The following FOLR1 variants were observed in gnomAD, a reference collection of about 807,000 sequenced individuals.
The protein encoded by FOLR1 is folate receptor alpha.
A neutral mutation model predicts 22.8 loss-of-function variants in FOLR1; 11 were observed. The ratio of observed to expected loss-of-function variants is 0.48; its 90% CI spans 0.30 to 0.80. The LOEUF (loss-of-function observed/expected upper bound fraction) is 0.80, where lower values mean the gene tolerates loss of function less well. Among genes scored for constraint, FOLR1 ranks in the 30% least tolerant of loss-of-function variants. FOLR1 has a pLI of 0.06. For synonymous variants in FOLR1, 108 were observed against 116.5 expected (o/e 0.93, Z 0.47); for missense variants, 273 against 320.3 (o/e 0.85, Z 1.13).
intron 1 of FOLR1, among the ~76,000 whole-genome samples, chr11:72,193,377 AAGGAAAGGGAGGGAGGAAAGGGAGGG>A (rs1195000883): frequency 2.1e-5 from 3 of 145,666 alleles, no homozygotes; most frequent in Non-Finnish European, 4.5e-5. Context: ...GAAGGGGAGG[AAGGAAAGGGAGGGAGGAAAGGGAGGG>A]AGGAAAGGGA....
At position 72,192,167 on chromosome 11, in the gene FOLR1, G is replaced by A; in HGVS notation, c.-7G>A. 1 of 1,614,102 alleles carries A rather than the reference G, an allele frequency of 6.2e-7. No homozygotes were observed. The highest frequency in any genetic ancestry group is 8.5e-7 in the Non-Finnish European group (1 of 1,179,984). Reference sequence around the variant, plus strand: ...CACTGACCACAGCTCTTTCTTCAGGGACAGACATGGCTCAGCGGATGACAA... The same window carrying A: ...CACTGACCACAGCTCTTTCTTCAGGAACAGACATGGCTCAGCGGATGACAA... On this transcript the variant is annotated 5_prime_UTR_variant, in exon 1 of 4. Transcript: ENST00000393676.
intron 1 of FOLR1, 75 bp from the exon 2 acceptor site, chr11:72,195,196 A>ACACT: frequency 7.3e-7 from 1 of 1,371,642 alleles, no homozygotes; most frequent in Non-Finnish European, 1.0e-6. Flanking sequence ...AAGAGGGGAG[A>ACACT]CACTGCATGT....
In FOLR1 at chr11:72,196,094, G is replaced by A. The variant is rs761852124; in HGVS notation, c.691G>A (p.Ala231Thr). 2 of 1,614,202 alleles carry A rather than the reference G, an allele frequency of 1.2e-6. No individual in the cohort carries two copies. Among genetic ancestry groups the A allele is most frequent in the Non-Finnish European group, 1.7e-6 (2 of 1,180,044 alleles). ...PNEEVARFYAAAMSGAGPWAA... is the reference protein window; with the variant it reads ...PNEEVARFYATAMSGAGPWAA... The stretch of plus-strand genomic sequence containing the variant: ...TGAGGAGGTGGCGAGGTTCTATGCT[G>A]CAGCCATGAGTGGGGCTGGGCCCTG... The change falls in exon 4 of 4, where the codon GCA (alanine) becomes ACA (threonine). Residue 231 changes from alanine to threonine, a missense_variant. Ala to Thr is a moderately conservative substitution (Grantham distance 58). Transcript: ENST00000393676.
chr11:72,195,660 A>C lies in FOLR1; in HGVS notation c.406A>C (p.Lys136Gln). ...GCGGGTACTGAACGTGCCCCTGTGC[A>C]AAGAGGACTGTGAGCAATGGTGGGA... The part of the protein sequence containing the change: ...KERVLNVPLC[K>Q]EDCEQWWEDC... Residue 136 changes from lysine to glutamine, a missense_variant, in exon 3 of 4, where the codon AAA becomes CAA. By Grantham distance (53) the Lys-to-Gln change is moderately conservative (BLOSUM62 1). Coordinates refer to ENST00000393676, the MANE Select transcript of FOLR1 (RefSeq NM_016729.3). 1 of 1,614,210 alleles carries C rather than the reference A, an allele frequency of 6.2e-7. No homozygotes were observed. The highest frequency in any genetic ancestry group is 8.5e-7 in the Non-Finnish European group (1 of 1,180,030).
intron 1 of FOLR1, among the ~76,000 whole-genome samples, chr11:72,192,543 G>A (rs1391027687): frequency 1.3e-5 from 2 of 152,156 alleles, no homozygotes; most frequent in East Asian, 1.9e-4. Flanking sequence ...TTGAGTTTCC[G>A]CATTACAGAA....
chr11:72,195,759 G>C lies in FOLR1; in HGVS notation c.493+12G>C, dbSNP rs190090266. 6.2e-7 allele frequency: 1 copy of C among 1,614,102 alleles called. No homozygotes were observed. The highest frequency in any genetic ancestry group is 8.5e-7 in the Non-Finnish European group (1 of 1,180,054). ...GAACTGGACTTCAGGTGAGGGCTGG[G>C]GTGGGCAGGAATGGAGGGATTTGGA... On this transcript the variant is annotated intron_variant, in intron 3 of 3. Transcript: ENST00000393676.
At chr11:72,193,114 C>A (rs901380019) in intron 1 of FOLR1, among the ~76,000 whole-genome samples, 5 of 152,052 alleles carry the variant, frequency 3.3e-5, no homozygotes, top group African/African-American at 1.2e-4. Context: ...ATGGGCAGAT[C>A]ACTTGAGCTC....
rs757861940 is a variant in FOLR1, at chr11:72,193,341, C to T, written c.168+1000C>T. Reference sequence around the variant, plus strand: ...AGACCTTGTCAAAAGAAAGAAAGAACGAAAAAAAGAAAGAAAGGAAGGAAG... The same window carrying T: ...AGACCTTGTCAAAAGAAAGAAAGAATGAAAAAAAGAAAGAAAGGAAGGAAG... On this transcript the variant is annotated intron_variant, in intron 1 of 3. Transcript: ENST00000393676. Among the ~76,000 whole-genome samples, 4 of 80,774 alleles carry T rather than the reference C, an allele frequency of 5.0e-5. 1 individual carries two copies. The highest frequency in any genetic ancestry group is 3.7e-4 in the South Asian group (1 of 2,694). The allele number at this position is 80,774 out of a possible 152,430, so 53.0% of individuals were successfully genotyped here.
chr11:72,189,916 C>G (rs1274001275), upstream of FOLR1, among the ~76,000 whole-genome samples: 1 of 152,150 alleles, frequency 6.6e-6, no homozygotes, highest in Non-Finnish European at 1.5e-5. Context: ...GTGGCCTGCT[C>G]AAGGTTAAAC....
chr11:72,195,762 G>C lies in FOLR1; in HGVS notation c.493+15G>C. On this transcript the variant is annotated intron_variant, in intron 3 of 3. Coordinates refer to ENST00000393676, the MANE Select transcript of FOLR1 (RefSeq NM_016729.3). ...CTGGACTTCAGGTGAGGGCTGGGGT[G>C]GGCAGGAATGGAGGGATTTGGAAGT... 6.2e-7 allele frequency: 1 copy of C among 1,614,204 alleles called. No individual in the cohort carries two copies. Among genetic ancestry groups the C allele is most frequent in the Non-Finnish European group, 8.5e-7 (1 of 1,180,038 alleles).
upstream of FOLR1, chr11:72,192,099 C>T: frequency 1.3e-6 from 2 of 1,552,714 alleles, no homozygotes; most frequent in South Asian, 2.2e-5. Context: ...CCTCCTGGAG[C>T]CCTGCACACA....
chr11:72,195,592 T>C lies in FOLR1; in HGVS notation c.358-20T>C. 1 of 1,614,158 alleles carries C rather than the reference T, an allele frequency of 6.2e-7. No individual in the cohort carries two copies. Among genetic ancestry groups the C allele is most frequent in the South Asian group, 1.1e-5 (1 of 91,078 alleles). ...GGGATTCTTGAACCTGAGCCCTTCTTTTGTATCAAAATCACCCAGGTGGAT... is the reference window on the plus strand; with the variant it reads ...GGGATTCTTGAACCTGAGCCCTTCTCTTGTATCAAAATCACCCAGGTGGAT... On this transcript the variant is annotated intron_variant, in intron 2 of 3. Coordinates refer to ENST00000393676, the MANE Select transcript of FOLR1 (RefSeq NM_016729.3).
intron 1 of FOLR1, 102 bp from the exon 2 acceptor site, chr11:72,195,169 C>A: frequency 1.7e-6 from 2 of 1,169,582 alleles, no homozygotes; most frequent in Non-Finnish European, 2.6e-6. Context: ...TTCCAGTGGG[C>A]TGGGGAATCA....
upstream of FOLR1, among the ~76,000 whole-genome samples, chr11:72,189,927 G>A (rs999958838): frequency 9.9e-5 from 15 of 152,138 alleles, no homozygotes; most frequent in African/African-American, 3.4e-4. Flanking sequence ...AAGGTTAAAC[G>A]ACAAGTTAGT....
chr11:72,192,220 T>A lies in FOLR1; in HGVS notation c.47T>A (p.Val16Glu). The change falls in exon 1 of 4, where the codon GTG (valine) becomes GAG (glutamate). Residue 16 changes from valine (V) to glutamate (E), a missense_variant. Transcript: ENST00000393676. ...CAGCTGCTGCTCCTTCTAGTGTGGG[T>A]GGCTGTAGTAGGGGAGGCTCAGACA... ...TTQLLLLLVW[V>E]AVVGEAQTRI... is the part of the protein sequence containing the mutation. 4 of 1,613,998 alleles carry A rather than the reference T, an allele frequency of 2.5e-6. No individual in the cohort carries two copies. Among genetic ancestry groups the A allele is most frequent in the Non-Finnish European group, 3.4e-6 (4 of 1,180,000 alleles).
chr11:72,193,443 G>A (rs947563868), intron 1 of FOLR1, among the ~76,000 whole-genome samples: 7 of 151,858 alleles, frequency 4.6e-5, no homozygotes, highest in East Asian at 1.9e-4. Context: ...CTTGTAATAC[G>A]CATTTCTTTT....
chr11:72,195,797 T>C (rs779380992), intron 3 of FOLR1, 50 bp downstream of exon 3: 1 of 1,614,056 alleles, frequency 6.2e-7, no homozygotes, highest in South Asian at 1.1e-5. Flanking sequence ...TGGAGGTGTG[T>C]GGGTGTGGAA....
intron 1 of FOLR1, among the ~76,000 whole-genome samples, chr11:72,193,472 G>A (rs1429764822): frequency 1.3e-5 from 2 of 151,778 alleles, no homozygotes; most frequent in Non-Finnish European, 2.9e-5. Flanking sequence ...TTGAGATAGA[G>A]TTTTGCTCTT....
In FOLR1 at chr11:72,195,988, C is replaced by A; in HGVS notation, c.585C>A (p.His195Gln). ...TTCTGTGCAATGAAATCTGGACTCA[C>A]TCCTACAAGGTCAGCAACTACAGCC... ...PTVLCNEIWT[H>Q]SYKVSNYSRG... The change falls in exon 4 of 4, where the codon CAC becomes CAA. Residue 195 changes from histidine to glutamine, a missense_variant. By Grantham distance (24) the His-to-Gln change is conservative (BLOSUM62 0). Coordinates refer to ENST00000393676, the MANE Select transcript of FOLR1 (RefSeq NM_016729.3). 1 of 1,614,238 alleles carries A rather than the reference C, an allele frequency of 6.2e-7. No individual in the cohort carries two copies. Among genetic ancestry groups the A allele is most frequent in the Non-Finnish European group, 8.5e-7 (1 of 1,180,040 alleles).
Sources: allele counts gnomAD v4.1 joint callset (sites outside exome capture counted in the v4.1 genomes callset), GRCh38; gene constraint gnomAD v4.1.1; transcripts MANE v1.5; gene names NCBI Gene and HGNC (gene_info 2026-07-23, HGNC 2026-07-21).